Variants in RAB3C observed in about 807,000 individuals in gnomAD.
RAB3C encodes ras-related protein Rab-3C.
A neutral mutation model predicts 26.4 loss-of-function variants in RAB3C; 17 were observed. The observed-to-expected ratio is 0.64, with a 90% CI of 0.44 to 0.97. The LOEUF (loss-of-function observed/expected upper bound fraction) is 0.97, where lower values mean the gene tolerates loss of function less well. Among genes scored for constraint, RAB3C ranks in the 50% least tolerant of loss-of-function variants. The pLI, the probability that RAB3C is intolerant of heterozygous loss-of-function variation, is 0.00. For missense variants in RAB3C, 242 were observed against 281.9 expected, an observed-to-expected ratio of 0.86 and a Z score of 1.01; for synonymous variants, 91 against 95.9, an observed-to-expected ratio of 0.95 and a Z score of 0.30.
rs1308433754 is a variant in RAB3C, at chr5:58,856,575, T to G, written c.*5224T>G. The G allele has an allele frequency of 2.6e-5, 4 of 152,198 alleles. No homozygotes were observed. Among genetic ancestry groups the G allele is most frequent in the Non-Finnish European group, 5.9e-5 (4 of 68,042 alleles). The allele number at this position is 152,198 out of a possible 1,614,324, so 9.4% of individuals were successfully genotyped here. On this transcript the variant is annotated 3_prime_UTR_variant, in exon 5 of 5. Transcript: ENST00000282878. The stretch of plus-strand genomic sequence containing the variant: ...TTACTTGCTGAAATGAGGTTTGAGG[T>G]TACCTGTGTATTTCATTCACCTGTG...
intron 3 of RAB3C, among the ~76,000 whole-genome samples, chr5:58,738,185 C>T (rs1183467990): frequency 1.3e-5 from 2 of 152,040 alleles, no homozygotes; most frequent in African/African-American, 4.8e-5. Flanking sequence ...TTTTTTCCCA[C>T]TCATACCTTC....
intron 2 of RAB3C, among the ~76,000 whole-genome samples, chr5:58,652,210 T>C (rs1389650666): frequency 1.3e-5 from 2 of 151,772 alleles, no homozygotes; most frequent in Admixed American, 6.6e-5. Context: ...TTGGAAAATA[T>C]TTTACAATGT....
chr5:58,732,857 A>G (rs1741056796), intron 3 of RAB3C, among the ~76,000 whole-genome samples: 1 of 152,154 alleles, frequency 6.6e-6, no homozygotes, highest in South Asian at 2.1e-4. Flanking sequence ...AACTTCTTTC[A>G]GTCCCTTGAA....
At chr5:58,797,368 AATATAT>A (rs1406041571) in intron 3 of RAB3C, among the ~76,000 whole-genome samples, 2 of 22,810 alleles carry the variant, frequency 8.8e-5, no homozygotes, top group East Asian at 1.6e-3. Context: ...GTATATATAT[AATATAT>A]ATATATATAT....
rs74862410 is a variant in RAB3C at position 58,769,985 on chromosome 5, G to A, written c.371+43865G>A. 6.7e-3 allele frequency among the ~76,000 whole-genome samples: 1,017 copies of A among 152,252 alleles called. 13 individuals carry two copies. The highest frequency in any genetic ancestry group is 0.023 in the African/African-American group (975 of 41,542). On this transcript the variant is annotated intron_variant, in intron 3 of 4. Coordinates refer to ENST00000282878, the MANE Select transcript of RAB3C (RefSeq NM_138453.4). ...AAAGTGTAGTCCAGACAATGGTGCT[G>A]CAATCCATTCCATCATGATCATTGT... is the stretch of plus-strand genomic sequence containing the variant.
intron 2 of RAB3C, among the ~76,000 whole-genome samples, chr5:58,667,685 T>C (rs749816859): frequency 3.9e-5 from 6 of 152,208 alleles, no homozygotes; most frequent in Non-Finnish European, 7.3e-5. Context: ...TTATATATCA[T>C]TGAATTCTGA....
chr5:58,725,793 T>A (rs1401281935), intron 2 of RAB3C, among the ~76,000 whole-genome samples: 2 of 151,884 alleles, frequency 1.3e-5, no homozygotes, highest in African/African-American at 4.8e-5. Flanking sequence ...AATTATTACA[T>A]GTACCCTGAA....
chr5:58,796,998 G>GAC (rs58486143), intron 3 of RAB3C, among the ~76,000 whole-genome samples: 15 of 150,642 alleles, frequency 1.0e-4, no homozygotes, highest in African/African-American at 2.2e-4. Context: ...CACACACACA[G>GAC]ACACACACAC....
At chr5:58,777,137 T>G (rs563323724) in intron 3 of RAB3C, among the ~76,000 whole-genome samples, 1 of 152,262 alleles carries the variant, frequency 6.6e-6, no homozygotes, top group African/African-American at 2.4e-5. Flanking sequence ...ATATTCTCTT[T>G]GCAATCCCTA....
intron 3 of RAB3C, among the ~76,000 whole-genome samples, chr5:58,785,467 C>T (rs1228113719): frequency 6.6e-6 from 1 of 152,220 alleles, no homozygotes; most frequent in Admixed American, 6.5e-5. Flanking sequence ...TACAAATATT[C>T]AAGCTTCTAC....
At chr5:58,800,872 T>C (rs1413693142) in intron 3 of RAB3C, among the ~76,000 whole-genome samples, 1 of 152,160 alleles carries the variant, frequency 6.6e-6, no homozygotes, top group Non-Finnish European at 1.5e-5. Context: ...CTTTCCCCAG[T>C]CATTCTTAGT....
intron 2 of RAB3C, among the ~76,000 whole-genome samples, chr5:58,663,667 C>T (rs1444537324): frequency 3.6e-5 from 5 of 140,724 alleles, no homozygotes; most frequent in Admixed American, 6.8e-5. Flanking sequence ...AGAAAAGTTG[C>T]TTATCATCAT....
intron 2 of RAB3C, among the ~76,000 whole-genome samples, chr5:58,692,594 C>T (rs1167434810): frequency 2.6e-5 from 4 of 152,172 alleles, no homozygotes; most frequent in African/African-American, 4.8e-5. Context: ...GTGATAATAG[C>T]ACTTCATTCA....
chr5:58,799,148 T>C (rs141976704), intron 3 of RAB3C, among the ~76,000 whole-genome samples: 1 of 152,292 alleles, frequency 6.6e-6, no homozygotes, highest in African/African-American at 2.4e-5. Flanking sequence ...ACTGAAGTTA[T>C]GGAGGAGATG....
chr5:58,819,711 C>T (rs1743294786), intron 3 of RAB3C, among the ~76,000 whole-genome samples: 1 of 110,828 alleles, frequency 9.0e-6, no homozygotes, highest in Non-Finnish European at 2.1e-5. Context: ...CCTGTCTCTA[C>T]TTAAAAAAAA....
chr5:58,664,640 G>A (rs775857770), intron 2 of RAB3C, among the ~76,000 whole-genome samples: 4 of 152,022 alleles, frequency 2.6e-5, no homozygotes, highest in Non-Finnish European at 4.4e-5. Context: ...ACTAGGTGAG[G>A]GGTACACAGG....
At chr5:58,651,280 G>C (rs980572772) in intron 2 of RAB3C, among the ~76,000 whole-genome samples, 13 of 152,082 alleles carry the variant, frequency 8.5e-5, no homozygotes, top group Non-Finnish European at 5.9e-5. Flanking sequence ...GACACTGAGT[G>C]TATTTTTCTA....
intron 2 of RAB3C, among the ~76,000 whole-genome samples, chr5:58,713,915 G>T (rs1421803601): frequency 6.6e-6 from 1 of 151,992 alleles, no homozygotes; most frequent in Non-Finnish European, 1.5e-5. Flanking sequence ...TAGCTTGAAG[G>T]GTTAATAACT....
intron 3 of RAB3C, among the ~76,000 whole-genome samples, chr5:58,812,060 A>G (rs1435731169): frequency 1.3e-5 from 2 of 152,184 alleles, no homozygotes; most frequent in Admixed American, 1.3e-4. Flanking sequence ...AACAAATAGT[A>G]AGGGAGTCAT....
Sources: allele counts gnomAD v4.1 joint callset (sites outside exome capture counted in the v4.1 genomes callset), GRCh38; gene constraint gnomAD v4.1.1; transcripts MANE v1.5; gene names NCBI Gene and HGNC (gene_info 2026-07-23, HGNC 2026-07-21).